AGBL1: variants seen among roughly 807,000 people sequenced by gnomAD.
AGBL1 encodes AGBL carboxypeptidase 1.
Under a neutral mutation model 118.9 loss-of-function variants are expected in AGBL1, and 130 were observed. The ratio of observed to expected loss-of-function variants is 1.09; its 90% CI spans 0.95 to 1.26. The LOEUF is 1.26. Ranked by LOEUF, AGBL1 falls within the 50% of genes most tolerant of loss-of-function variation. AGBL1 has a pLI of 0.00. For missense variants in AGBL1, 1,584 were observed against 1,298.1 expected (o/e 1.22, Z -3.38); for synonymous variants, 555 against 478.9 (o/e 1.16, Z -2.08).
At chr15:86,325,660 TTC>T (rs1274268789) in intron 17 of AGBL1, among the ~76,000 whole-genome samples, 1 of 152,186 alleles carries the variant, frequency 6.6e-6, no homozygotes, top group Non-Finnish European at 1.5e-5. Flanking sequence ...CACAGCCATC[TTC>T]CATCCCCCTA....
intron 22 of AGBL1, among the ~76,000 whole-genome samples, chr15:86,682,957 A>G (rs536645197): frequency 1.4e-4 from 21 of 152,270 alleles, no homozygotes; most frequent in African/African-American, 4.6e-4. Context: ...AAGTTTGCCA[A>G]ATGTCATGAC....
chr15:86,484,729 A>G (rs1483493830), intron 18 of AGBL1, among the ~76,000 whole-genome samples: 2 of 152,118 alleles, frequency 1.3e-5, no homozygotes, highest in African/African-American at 4.8e-5. Context: ...GAAATTCCAA[A>G]GCATCTCTTT....
chr15:86,766,908 G>T (rs1476217851), intron 22 of AGBL1, among the ~76,000 whole-genome samples: 1 of 151,554 alleles, frequency 6.6e-6, no homozygotes, highest in Non-Finnish European at 1.5e-5. Context: ...ACCTACAGAC[G>T]CCATTTCTAA....
Position 86,264,849 on chromosome 15 carries a change from T to C in AGBL1, c.1667+11T>C. 1 of 1,568,310 alleles carries C rather than the reference T, an allele frequency of 6.4e-7. No individual in the cohort carries two copies. Among genetic ancestry groups the C allele is most frequent in the Non-Finnish European group, 8.6e-7 (1 of 1,162,148 alleles). Reference sequence around the variant, plus strand: ...ATGTGGAGTCCAAAGGTGATGGCGCTACTGACTTGGGAGCTCTTTTTTTCT... The same window carrying C: ...ATGTGGAGTCCAAAGGTGATGGCGCCACTGACTTGGGAGCTCTTTTTTTCT... On this transcript the variant is annotated intron_variant, in intron 11 of 22. Transcript: ENST00000614907.
Position 86,751,537 on chromosome 15 carries a change from A to G in AGBL1, c.3158+77101A>G, listed in dbSNP as rs577737023. ...GCAAAAACTGACAAATGGGATCTAA[A>G]TAAACTAAGGAGCTTCTGCACAGAA... On this transcript the variant is annotated intron_variant, in intron 22 of 22. Coordinates refer to ENST00000614907, the MANE Select transcript of AGBL1 (RefSeq NM_001386094.1). 2.0e-5 allele frequency among the ~76,000 whole-genome samples: 3 copies of G among 152,202 alleles called. No homozygotes were observed. In the East Asian group the frequency reaches 5.8e-4, roughly 30 times the overall value.
intron 18 of AGBL1, among the ~76,000 whole-genome samples, chr15:86,421,217 G>C (rs1596093140): frequency 6.6e-6 from 1 of 152,112 alleles, no homozygotes; most frequent in Non-Finnish European, 1.5e-5. Context: ...CAGAGAGAAA[G>C]GGCGGGTTAC....
chr15:86,425,635 G>T (rs1450995048), intron 18 of AGBL1, among the ~76,000 whole-genome samples: 3 of 152,124 alleles, frequency 2.0e-5, no homozygotes, highest in Non-Finnish European at 2.9e-5. Flanking sequence ...TTTCAATAAA[G>T]TGTGTTTTAT....
chr15:86,694,218 C>G (rs868007544), intron 22 of AGBL1, among the ~76,000 whole-genome samples: 1 of 151,920 alleles, frequency 6.6e-6, no homozygotes, highest in African/African-American at 2.4e-5. Flanking sequence ...TGATTTTACC[C>G]CTCCAGGAGC....
At chr15:86,337,047 G>GGGGA (rs1363465418) in intron 17 of AGBL1, among the ~76,000 whole-genome samples, 7 of 152,212 alleles carry the variant, frequency 4.6e-5, no homozygotes, top group African/African-American at 1.7e-4. Context: ...ACAAGAATTA[G>GGGGA]CATCACTCTC....
intron 22 of AGBL1, among the ~76,000 whole-genome samples, chr15:86,681,862 G>A (rs1358218435): frequency 1.3e-5 from 2 of 152,158 alleles, no homozygotes; most frequent in African/African-American, 4.8e-5. Flanking sequence ...AGAAGTGAAT[G>A]AAGATGGAAA....
At chr15:86,259,544 A>G (rs1567161799) in intron 9 of AGBL1, among the ~76,000 whole-genome samples, 1 of 152,146 alleles carries the variant, frequency 6.6e-6, no homozygotes, top group East Asian at 1.9e-4. Context: ...TGTCATGATA[A>G]TCACTCACCC....
At chr15:86,542,040 C>G (rs2083505128) in intron 19 of AGBL1, among the ~76,000 whole-genome samples, 1 of 152,162 alleles carries the variant, frequency 6.6e-6, no homozygotes, top group Admixed American at 6.5e-5. Flanking sequence ...TCTAGAGGTT[C>G]TAAATTTAAT....
chr15:86,623,488 A>G (rs972305009), intron 21 of AGBL1, among the ~76,000 whole-genome samples: 2 of 151,794 alleles, frequency 1.3e-5, no homozygotes, highest in Non-Finnish European at 2.9e-5. Context: ...TCGTTTTCCA[A>G]CTCTAGGTTC....
intron 16 of AGBL1, among the ~76,000 whole-genome samples, chr15:86,290,524 GTATTT>G (rs2079528182): frequency 6.6e-6 from 1 of 150,982 alleles, no homozygotes; most frequent in Non-Finnish European, 1.5e-5. Context: ...CAATTTTTAT[GTATTT>G]TTAGTAGAGA....
chr15:86,354,226 A>G (rs1222900131), intron 17 of AGBL1, among the ~76,000 whole-genome samples: 3 of 152,228 alleles, frequency 2.0e-5, no homozygotes, highest in African/African-American at 7.2e-5. Flanking sequence ...GGTATGGTTC[A>G]GGTAGTCATA....
intron 17 of AGBL1, among the ~76,000 whole-genome samples, chr15:86,331,654 T>C (rs530844772): frequency 5.3e-5 from 8 of 152,216 alleles, no homozygotes; most frequent in Non-Finnish European, 1.2e-4. Flanking sequence ...GTTTACAACA[T>C]TGTTAAAGAA....
chr15:86,230,864 G>A (rs976901092), intron 6 of AGBL1, among the ~76,000 whole-genome samples: 2 of 152,056 alleles, frequency 1.3e-5, no homozygotes, highest in East Asian at 1.9e-4. Context: ...ACGTCTGCCC[G>A]GCTCCCATCA....
chr15:86,179,620 A>G (rs1266276188), intron 5 of AGBL1, among the ~76,000 whole-genome samples: 1 of 151,892 alleles, frequency 6.6e-6, no homozygotes, highest in Non-Finnish European at 1.5e-5. Flanking sequence ...AAAAGACTGA[A>G]TGCTTCCCCA....
rs2084699924 is a variant in AGBL1 at position 86,614,809 on chromosome 15, T to G, written c.2995-59464T>G. Among the ~76,000 whole-genome samples, 3 of 152,212 alleles carry G rather than the reference T, an allele frequency of 2.0e-5. 1 individual carries two copies. Among genetic ancestry groups the G allele is most frequent in the Admixed American group, 2.0e-4 (3 of 15,268 alleles). On this transcript the variant is annotated intron_variant, in intron 21 of 22. Transcript: ENST00000614907. ...GAATGAAGTGGAAAAAACCAGATTG[T>G]CATATAATCTACTGATCGTAAGAAG...
Sources: gnomAD v4.1 joint callset for allele counts (sites outside exome capture counted in the v4.1 genomes callset) on GRCh38, gnomAD v4.1.1 for gene constraint, MANE v1.5 for transcripts, NCBI Gene and HGNC (gene_info 2026-07-23, HGNC 2026-07-21) for gene names.